Variants in STK24 observed in about 807,000 individuals in gnomAD.
The protein encoded by STK24 is serine/threonine kinase 24.
STK24 carries 21 observed loss-of-function variants against 55.6 expected under a neutral mutation model. That is an observed-to-expected ratio of 0.38 (90% CI 0.27 to 0.54). The LOEUF (loss-of-function observed/expected upper bound fraction) is 0.54, where lower values mean the gene tolerates loss of function less well. Ranked by LOEUF, STK24 falls within the 20% of genes least tolerant of loss-of-function variation. The pLI, the probability that STK24 is intolerant of heterozygous loss-of-function variation, is 0.79. For synonymous variants in STK24, 200 were observed against 215.2 expected (o/e 0.93, Z 0.62); for missense variants, 383 against 538.4 (o/e 0.71, Z 2.86).
intron 2 of STK24, among the ~76,000 whole-genome samples, chr13:98,514,796 T>G (rs1895998403): frequency 6.6e-6 from 1 of 152,236 alleles, no homozygotes; most frequent in Non-Finnish European, 1.5e-5. Flanking sequence ...TTTAGCATGC[T>G]AACAATCTAT....
chr13:98,463,634 C>T, intron 7 of STK24, 57 bp downstream of exon 7: 1 of 1,522,186 alleles, frequency 6.6e-7, no homozygotes, highest in Non-Finnish European at 8.8e-7. Flanking sequence ...CAAACAGTGA[C>T]AAAGACCAGC....
intron 2 of STK24, among the ~76,000 whole-genome samples, chr13:98,512,032 G>A (rs150336628): frequency 4.6e-5 from 7 of 151,656 alleles, no homozygotes; most frequent in African/African-American, 4.9e-5. Flanking sequence ...CTACAGGTGC[G>A]TGCCACCATG....
chr13:98,562,917 T>C (rs1477746685), intron 1 of STK24, among the ~76,000 whole-genome samples: 5 of 109,146 alleles, frequency 4.6e-5, no homozygotes, highest in Non-Finnish European at 9.4e-5. Flanking sequence ...CTCCCTCTCT[T>C]AAAAAAAAAA....
At chr13:98,515,392 G>A (rs1451509229) in intron 2 of STK24, among the ~76,000 whole-genome samples, 2 of 148,784 alleles carry the variant, frequency 1.3e-5, no homozygotes, top group Non-Finnish European at 3.0e-5. Context: ...GGAGGATTCT[G>A]GTTAAGTATC....
At chr13:98,487,642 T>C (rs1324664076) in intron 2 of STK24, among the ~76,000 whole-genome samples, 1 of 152,244 alleles carries the variant, frequency 6.6e-6, no homozygotes, top group Non-Finnish European at 1.5e-5. Flanking sequence ...ACACTGTTGT[T>C]TACCTTGCTT....
intron 1 of STK24, chr13:98,543,040 G>A (rs201065592): frequency 8.1e-6 from 8 of 985,020 alleles, no homozygotes; most frequent in South Asian, 4.7e-5. Context: ...TGAAGCCTCC[G>A]GGGGCTTACA....
At chr13:98,475,636 G>C (rs183866267) in intron 3 of STK24, among the ~76,000 whole-genome samples, 1 of 152,356 alleles carries the variant, frequency 6.6e-6, no homozygotes, top group Non-Finnish European at 1.5e-5. Context: ...TGCGCCTGCA[G>C]CTGACCACAG....
At chr13:98,561,735 G>T (rs1046442768) in intron 1 of STK24, among the ~76,000 whole-genome samples, 3 of 152,018 alleles carry the variant, frequency 2.0e-5, no homozygotes, top group Non-Finnish European at 4.4e-5. Flanking sequence ...CTAGCACTTT[G>T]GGGGAGGCAG....
At chr13:98,518,523 T>C (rs913098392) in intron 2 of STK24, among the ~76,000 whole-genome samples, 2 of 152,256 alleles carry the variant, frequency 1.3e-5, no homozygotes, top group African/African-American at 4.8e-5. Context: ...TTACAACATT[T>C]TTAAGTTCAG....
intron 6 of STK24, among the ~76,000 whole-genome samples, chr13:98,464,944 C>T (rs1044271660): frequency 6.6e-6 from 1 of 152,212 alleles, no homozygotes; most frequent in Admixed American, 6.5e-5. Context: ...CGCTTCACCA[C>T]CAACTTTCCC....
At chr13:98,501,250 G>A (rs1895448841) in intron 2 of STK24, among the ~76,000 whole-genome samples, 2 of 152,240 alleles carry the variant, frequency 1.3e-5, no homozygotes, top group African/African-American at 2.4e-5. Context: ...GAAACCCCAG[G>A]AGGGGAATCG....
At chr13:98,460,493 CAATAATTT>C in intron 8 of STK24, 53 bp from the exon 9 acceptor site, 1 of 1,470,446 alleles carries the variant, frequency 6.8e-7, no homozygotes, top group Non-Finnish European at 9.5e-7. Flanking sequence ...TTCACATTGG[CAATAATTT>C]AATAAACCTC....
At chr13:98,503,024 G>GTTCTTTTTTTT (rs1555306358) in intron 2 of STK24, among the ~76,000 whole-genome samples, 8 of 107,084 alleles carry the variant, frequency 7.5e-5, no homozygotes, top group African/African-American at 2.4e-4. Context: ...CTTTCCATGT[G>GTTCTTTTTTTT]TTTTTTTTTT....
chr13:98,517,747 T>C (rs1175870734), intron 2 of STK24, among the ~76,000 whole-genome samples: 3 of 152,244 alleles, frequency 2.0e-5, no homozygotes, highest in Non-Finnish European at 2.9e-5. Context: ...CAGCAACATT[T>C]GCTCTTCTTG....
At chr13:98,458,899 C>T (rs375325480) in intron 9 of STK24, among the ~76,000 whole-genome samples, 13 of 152,298 alleles carry the variant, frequency 8.5e-5, no homozygotes, top group East Asian at 5.8e-4. Context: ...TGAAATAATA[C>T]ACAATAAACA....
intron 1 of STK24, among the ~76,000 whole-genome samples, chr13:98,538,601 A>G (rs1896800113): frequency 6.6e-6 from 1 of 152,136 alleles, no homozygotes; most frequent in Non-Finnish European, 1.5e-5. Context: ...GGAGTTTGTG[A>G]GCTCATCTTA....
At chr13:98,463,660 A>G (rs771670374) in intron 7 of STK24, 31 bp downstream of exon 7, 2 of 1,601,004 alleles carry the variant, frequency 1.2e-6, no homozygotes, top group South Asian at 2.2e-5. Flanking sequence ...CCTCCCACAC[A>G]CATGCTTGGG....
chr13:98,536,459 G>A (rs1196136699), intron 1 of STK24, among the ~76,000 whole-genome samples: 1 of 151,868 alleles, frequency 6.6e-6, no homozygotes, highest in Admixed American at 6.6e-5. Flanking sequence ...CAAACTCCTG[G>A]GTTCAAGTGA....
chr13:98,555,742 G>A (rs190744770), intron 1 of STK24, among the ~76,000 whole-genome samples: 3,027 of 135,716 alleles, frequency 0.022, 45 homozygotes, highest in Middle Eastern at 0.06. Context: ...GTGCAGTGGC[G>A]CAATCTCCGC....
Sources: allele counts gnomAD v4.1 joint callset (sites outside exome capture counted in the v4.1 genomes callset), GRCh38; gene constraint gnomAD v4.1.1; transcripts MANE v1.5; gene names NCBI Gene and HGNC (gene_info 2026-07-23, HGNC 2026-07-21).